Variants in REPS2 observed in about 807,000 individuals in gnomAD.
The protein encoded by REPS2 is ralBP1-associated Eps domain-containing protein 2.
Under a neutral mutation model 53.6 loss-of-function variants are expected in REPS2, and 23 were observed. That is an observed-to-expected ratio of 0.43 (90% CI 0.31 to 0.61). REPS2 has a LOEUF of 0.61. REPS2 is among the 20% of genes least tolerant of loss of function. The pLI, the probability that REPS2 is intolerant of heterozygous loss-of-function variation, is 0.11. For missense variants in REPS2, 446 were observed against 534.9 expected, an observed-to-expected ratio of 0.83 and a Z score of 1.64; for synonymous variants, 238 against 218.6, an observed-to-expected ratio of 1.09 and a Z score of -0.78.
At chrX:17,069,888 T>G in intron 10 of REPS2, 52 bp from the exon 11 acceptor site, 4 of 780,422 alleles carry the variant, frequency 5.1e-6, no homozygotes, top group Admixed American at 3.8e-5. Flanking sequence ...ATAGTTTTAA[T>G]TTTTTTTCCT....
the REPS2 span, among the ~76,000 whole-genome samples, chrX:17,172,644 T>C: frequency 9.0e-6 from 1 of 111,688 alleles, no homozygotes; most frequent in Non-Finnish European, 1.9e-5. Context: ...TAATTAAATC[T>C]GGGAGCAATG....
rs973866648 is a variant in REPS2 at position 17,150,360 on chromosome X, G to T, written c.*2879G>T. On this transcript the variant is annotated 3_prime_UTR_variant, in exon 18 of 18. Transcript: ENST00000357277. ...GGTTGAATTACCTTGCTGTTAAGTG[G>T]TCTTCCCCCATTGGGATCCTACAGT... 1 of 112,304 alleles carries T rather than the reference G, an allele frequency of 8.9e-6. No individual in the cohort carries two copies. The highest frequency in any genetic ancestry group is 3.2e-5 in the African/African-American group (1 of 30,843). The allele number at this position is 112,304 out of a possible 1,213,427, so 9.3% of individuals were successfully genotyped here. A position where few individuals can be genotyped will look rare whatever the true frequency, so the allele number is the denominator to read the frequency against.
intron 11 of REPS2, among the ~76,000 whole-genome samples, chrX:17,071,310 G>A (rs1189442929): frequency 9.0e-6 from 1 of 110,550 alleles, no homozygotes; most frequent in Non-Finnish European, 1.9e-5. Context: ...TTTAAATTTG[G>A]AGTGTTAAAT....
At chrX:16,968,136 T>G (rs2147673057) in intron 1 of REPS2, among the ~76,000 whole-genome samples, 1 of 111,403 alleles carries the variant, frequency 9.0e-6, no homozygotes, top group South Asian at 3.8e-4. Context: ...CAGCACATGT[T>G]TCAGAGAGCA....
chrX:17,191,478 G>A, the REPS2 span, among the ~76,000 whole-genome samples: 19,075 of 111,659 alleles, frequency 0.17, 1,409 homozygotes, highest in African/African-American at 0.28. Flanking sequence ...GCTCTCATAC[G>A]TTGCTAGTGG....
chrX:17,047,271 T>A, intron 5 of REPS2, 76 bp from the exon 6 acceptor site: 4 of 1,087,732 alleles, frequency 3.7e-6, no homozygotes, highest in Non-Finnish European at 5.0e-6. Flanking sequence ...ATGATAACTT[T>A]TATTGGTGTT....
At chrX:17,160,078 G>C in the REPS2 span, among the ~76,000 whole-genome samples, 1 of 112,842 alleles carries the variant, frequency 8.9e-6, no homozygotes, top group Non-Finnish European at 1.9e-5. Context: ...GTGGCAGAGA[G>C]CTTACCAGAA....
intron 16 of REPS2, chrX:17,136,399 C>T (rs1237027980): frequency 9.0e-6 from 1 of 110,953 alleles, no homozygotes; most frequent in Admixed American, 9.5e-5. Flanking sequence ...TTTTGTTCAT[C>T]ACATTCACCG....
intron 5 of REPS2, among the ~76,000 whole-genome samples, chrX:17,030,437 A>G (rs2061695014): frequency 9.0e-6 from 1 of 110,809 alleles, no homozygotes; most frequent in Non-Finnish European, 1.9e-5. Context: ...AATAAGGAAC[A>G]TTTTTGCACA....
chrX:16,965,449 G>A (rs1292739562), intron 1 of REPS2, among the ~76,000 whole-genome samples: 2 of 111,836 alleles, frequency 1.8e-5, no homozygotes, highest in Non-Finnish European at 3.8e-5. Flanking sequence ...GCTGGGCGGA[G>A]GGGCTCCTCA....
At chrX:17,097,059 A>G (rs916015405) in intron 13 of REPS2, among the ~76,000 whole-genome samples, 4 of 112,324 alleles carry the variant, frequency 3.6e-5, no homozygotes, top group Non-Finnish European at 7.5e-5. Context: ...GACATAGGAT[A>G]AAGTTTGATA....
rs1046371710 is a variant in REPS2, at chrX:17,148,929, T to A, written c.*1448T>A. On this transcript the variant is annotated 3_prime_UTR_variant, in exon 18 of 18. Transcript: ENST00000357277. ...CAATATGTGGGATTCAGCCTTTGATTTCAATAGAGCTGAGAGCTTTTAGAA... is the reference window on the plus strand; with the variant it reads ...CAATATGTGGGATTCAGCCTTTGATATCAATAGAGCTGAGAGCTTTTAGAA... 2 of 373,065 alleles carry A rather than the reference T, an allele frequency of 5.4e-6. No individual in the cohort carries two copies. Among genetic ancestry groups the A allele is most frequent in the Non-Finnish European group, 1.0e-5 (2 of 192,127 alleles). 30.7% of individuals were successfully genotyped at this position (373,065 alleles called of 1,213,427 possible).
chrX:16,968,416 G>A (rs1391906285), intron 1 of REPS2, among the ~76,000 whole-genome samples: 1 of 111,733 alleles, frequency 8.9e-6, no homozygotes, highest in East Asian at 2.9e-4. Flanking sequence ...CAGTAGGGGC[G>A]GCCGGGCAGA....
chrX:17,164,301 T>C, the REPS2 span, among the ~76,000 whole-genome samples: 6 of 111,436 alleles, frequency 5.4e-5, no homozygotes, highest in African/African-American at 2.0e-4. Context: ...ATTGACAGAA[T>C]AGATTACAAA....
At chrX:16,977,567 C>A (rs1391480789) in intron 1 of REPS2, among the ~76,000 whole-genome samples, 1 of 109,239 alleles carries the variant, frequency 9.2e-6, no homozygotes, top group Non-Finnish European at 1.9e-5. Flanking sequence ...TTTAAAAAAT[C>A]TAGCTGGGCA....
chrX:17,181,257 GAAC>G, the REPS2 span, among the ~76,000 whole-genome samples: 94 of 112,627 alleles, frequency 8.3e-4, no homozygotes, highest in African/African-American at 2.9e-3. Flanking sequence ...ACAAATAGGT[GAAC>G]AACATTTTCT....
intron 11 of REPS2, among the ~76,000 whole-genome samples, chrX:17,070,572 A>G (rs2062291359): frequency 2.7e-5 from 3 of 112,211 alleles, no homozygotes; most frequent in African/African-American, 9.7e-5. Flanking sequence ...TGATGGAGCC[A>G]TCATTGAACC....
the REPS2 span, among the ~76,000 whole-genome samples, chrX:17,192,206 G>A: frequency 3.8e-4 from 43 of 112,442 alleles, no homozygotes; most frequent in East Asian, 1.4e-3. Flanking sequence ...GTGTGTGTGC[G>A]TGCACGCATG....
intron 14 of REPS2, among the ~76,000 whole-genome samples, chrX:17,114,178 T>C (rs1485718254): frequency 9.0e-6 from 1 of 111,587 alleles, no homozygotes; most frequent in Admixed American, 9.5e-5. Flanking sequence ...TTTCCAGTGG[T>C]CGGATTTCGA....
Sources: gnomAD v4.1 joint callset for allele counts (sites outside exome capture counted in the v4.1 genomes callset) on GRCh38, gnomAD v4.1.1 for gene constraint, MANE v1.5 for transcripts, NCBI Gene and HGNC (gene_info 2026-07-23, HGNC 2026-07-21) for gene names.